The following SPIDR variants were observed in gnomAD, a reference collection of about 807,000 sequenced individuals.
SPIDR encodes the protein scaffold protein involved in DNA repair.
SPIDR carries 93 observed loss-of-function variants against 104.6 expected under a neutral mutation model. The ratio of observed to expected loss-of-function variants is 0.89; its 90% confidence interval spans 0.75 to 1.06. SPIDR has a LOEUF of 1.06. SPIDR is among the 50% of genes least tolerant of loss of function. The pLI is 0.00. For synonymous variants in SPIDR, 431 were observed against 416.9 expected (o/e 1.03, Z -0.41); for missense variants, 1,154 against 1,111.2 (o/e 1.04, Z -0.55).
intron 14 of SPIDR, among the ~76,000 whole-genome samples, chr8:47,707,228 G>C (rs1290979633): frequency 2.0e-5 from 3 of 150,660 alleles, no homozygotes; most frequent in African/African-American, 7.3e-5. Flanking sequence ...ACTCCAGCCT[G>C]GGTGACAGAG....
At chr8:47,379,639 AGGAGTTTAG>A (rs2059088418) in intron 5 of SPIDR, among the ~76,000 whole-genome samples, 1 of 152,230 alleles carries the variant, frequency 6.6e-6, no homozygotes, top group Non-Finnish European at 1.5e-5. Context: ...TTGTGGCTAA[AGGAGTTTAG>A]GAAAGACTAC....
At chr8:47,500,884 A>G (rs866672416) in intron 8 of SPIDR, among the ~76,000 whole-genome samples, 5 of 152,330 alleles carry the variant, frequency 3.3e-5, no homozygotes, top group South Asian at 2.1e-4. Flanking sequence ...TCCCAGCACC[A>G]TTTATTAAAT....
At chr8:47,725,709 T>A (rs771307489) in intron 16 of SPIDR, among the ~76,000 whole-genome samples, 1 of 152,234 alleles carries the variant, frequency 6.6e-6, no homozygotes, top group Non-Finnish European at 1.5e-5. Flanking sequence ...TGTTTAATCA[T>A]ACACTTCCCA....
chr8:47,567,615 A>G (rs1232547681), intron 8 of SPIDR, among the ~76,000 whole-genome samples: 4 of 152,060 alleles, frequency 2.6e-5, no homozygotes, highest in Non-Finnish European at 5.9e-5. Context: ...TCAGACTCCA[A>G]AAGCTCAGTT....
intron 8 of SPIDR, chr8:47,511,048 A>G: frequency 1.1e-6 from 1 of 895,412 alleles, no homozygotes; most frequent in East Asian, 2.4e-5. Flanking sequence ...TCACCACTGC[A>G]TGATGGCAGC....
At chr8:47,503,507 G>T (rs930169967) in intron 8 of SPIDR, among the ~76,000 whole-genome samples, 5 of 150,692 alleles carry the variant, frequency 3.3e-5, no homozygotes, top group East Asian at 2.0e-4. Context: ...TCCTCCATCC[G>T]TTTATTTTGA....
intron 8 of SPIDR, among the ~76,000 whole-genome samples, chr8:47,457,151 TTC>T (rs2073129128): frequency 6.6e-6 from 1 of 152,204 alleles, no homozygotes; most frequent in African/African-American, 2.4e-5. Flanking sequence ...CAAATGGTAG[TTC>T]TACTTTTAGT....
chr8:47,638,287 G>A (rs1465641221), intron 10 of SPIDR, among the ~76,000 whole-genome samples: 1 of 152,116 alleles, frequency 6.6e-6, no homozygotes, highest in Non-Finnish European at 1.5e-5. Context: ...GGTACAAGAA[G>A]ATGAAGGAAA....
chr8:47,371,214 C>T (rs1048194132), intron 5 of SPIDR, among the ~76,000 whole-genome samples: 1 of 149,908 alleles, frequency 6.7e-6, no homozygotes. Context: ...CAATTACTGA[C>T]ACTTCTGTCT....
chr8:47,581,052 G>A (rs1192213870), intron 8 of SPIDR, among the ~76,000 whole-genome samples: 1 of 152,078 alleles, frequency 6.6e-6, no homozygotes, highest in Admixed American at 6.5e-5. Flanking sequence ...AGGCACTGGT[G>A]AGCCACCCAG....
At position 47,293,891 on chromosome 8, in the gene SPIDR, A is replaced by C; in HGVS notation, c.386A>C (p.Glu129Ala). 1 of 1,610,586 alleles carries C rather than the reference A, an allele frequency of 6.2e-7. No homozygotes were observed. The highest frequency in any genetic ancestry group is 8.5e-7 in the Non-Finnish European group (1 of 1,178,636). Residue 129 changes from glutamate (E) to alanine (A), a missense_variant, in exon 5 of 20, where the codon GAG becomes GCG. By Grantham distance (107) the Glu-to-Ala change is moderately radical. Coordinates refer to ENST00000297423, the MANE Select transcript of SPIDR (RefSeq NM_001080394.4). The stretch of plus-strand genomic sequence containing the variant: ...GATGAATTACAGTTTATCGACTGGG[A>C]GATTGACAGTGACAGGGCAGAGGCT... Reference protein sequence around the residue: ...QRDELQFIDWEIDSDRAEASD... With the variant: ...QRDELQFIDWAIDSDRAEASD...
chr8:47,658,837 A>G (rs1356076543), intron 10 of SPIDR, among the ~76,000 whole-genome samples: 6 of 151,026 alleles, frequency 4.0e-5, no homozygotes, highest in Non-Finnish European at 7.4e-5. Context: ...TCAGGAGGCT[A>G]AGGCAGGAGA....
intron 8 of SPIDR, among the ~76,000 whole-genome samples, chr8:47,479,311 A>G (rs1313392302): frequency 6.6e-6 from 1 of 151,428 alleles, no homozygotes; most frequent in Non-Finnish European, 1.5e-5. Context: ...GTGAGCCGAG[A>G]TTGCACCAGT....
chr8:47,297,919 C>T (rs1016370489), intron 5 of SPIDR, among the ~76,000 whole-genome samples: 45 of 152,126 alleles, frequency 3.0e-4, no homozygotes, highest in Non-Finnish European at 5.0e-4. Flanking sequence ...AATAATCGTA[C>T]GTGGGCATGT....
rs563003115 is a variant in SPIDR, at chr8:47,539,237, C to T, written c.1098-56574C>T. Among the ~76,000 whole-genome samples, 7 of 152,142 alleles carry T rather than the reference C, an allele frequency of 4.6e-5. No individual in the cohort carries two copies. The South Asian group carries it at 6.2e-4, about 14-fold the overall frequency. ...TAGAAACTACCCGTTACTGCACTAG[C>T]GGAGATTAACCTTTTTAAAAATGTA... On this transcript the variant is annotated intron_variant, in intron 8 of 19. Coordinates refer to ENST00000297423, the MANE Select transcript of SPIDR (RefSeq NM_001080394.4).
intron 8 of SPIDR, chr8:47,592,589 C>T (rs548163281): frequency 8.0e-7 from 1 of 1,250,466 alleles, no homozygotes; most frequent in African/African-American, 1.5e-5. Context: ...CTTGATGATC[C>T]TGCGGGGCAG....
chr8:47,364,229 A>G (rs1416716706), intron 5 of SPIDR, among the ~76,000 whole-genome samples: 5 of 152,178 alleles, frequency 3.3e-5, no homozygotes, highest in African/African-American at 7.2e-5. Context: ...AGCCTCTTCT[A>G]GACTCTCACA....
intron 8 of SPIDR, among the ~76,000 whole-genome samples, chr8:47,463,372 A>AT (rs1564040586): frequency 6.6e-6 from 1 of 151,916 alleles, no homozygotes; most frequent in Non-Finnish European, 1.5e-5. Flanking sequence ...AAAAAAAAAA[A>AT]GGAAAAGAAA....
chr8:47,549,672 T>G (rs968316718), intron 8 of SPIDR, among the ~76,000 whole-genome samples: 2 of 152,172 alleles, frequency 1.3e-5, no homozygotes, highest in Non-Finnish European at 2.9e-5. Context: ...TTAGCCCTTT[T>G]TCAGATGAGT....
Sources: gnomAD v4.1 joint callset for allele counts (sites outside exome capture counted in the v4.1 genomes callset) on GRCh38, gnomAD v4.1.1 for gene constraint, MANE v1.5 for transcripts, NCBI Gene and HGNC (gene_info 2026-07-23, HGNC 2026-07-21) for gene names.